Variants in ADGB observed in about 807,000 individuals in gnomAD.
The protein encoded by ADGB is androglobin, also known as calpain-7-like protein.
A neutral mutation model predicts 210.5 loss-of-function variants in ADGB; 172 were observed. That is an observed-to-expected ratio of 0.82 (90% CI 0.72 to 0.93). The LOEUF is 0.93. Ranked by LOEUF, ADGB falls within the 40% of genes least tolerant of loss-of-function variation. ADGB has a pLI of 0.00. For missense variants in ADGB, 2,025 were observed against 1,964.8 expected (o/e 1.03, Z -0.58); for synonymous variants, 658 against 662.7 (o/e 0.99, Z 0.11).
chr6:146,746,391 C>T (rs1777238263), intron 26 of ADGB, among the ~76,000 whole-genome samples: 1 of 152,166 alleles, frequency 6.6e-6, no homozygotes, highest in African/African-American at 2.4e-5. Context: ...TTTTCTTCTT[C>T]TTCTGCTCCA....
chr6:146,728,231 T>C (rs1295143271), intron 19 of ADGB, among the ~76,000 whole-genome samples: 1 of 152,206 alleles, frequency 6.6e-6, no homozygotes, highest in African/African-American at 2.4e-5. Flanking sequence ...GCTTTCTCCC[T>C]GAAATCTCTG....
At chr6:146,636,273 G>A (rs958538742) in intron 2 of ADGB, among the ~76,000 whole-genome samples, 1 of 151,866 alleles carries the variant, frequency 6.6e-6, no homozygotes, top group Non-Finnish European at 1.5e-5. Flanking sequence ...GTGCCAGAAG[G>A]GTTTAGTTGA....
intron 33 of ADGB, among the ~76,000 whole-genome samples, chr6:146,797,537 G>A (rs563018337): frequency 1.1e-3 from 164 of 151,656 alleles, no homozygotes; most frequent in African/African-American, 3.8e-3. Context: ...ACACACACAC[G>A]TATACATATA....
At chr6:146,675,733 T>C (rs1776075035) in intron 8 of ADGB, among the ~76,000 whole-genome samples, 1 of 152,158 alleles carries the variant, frequency 6.6e-6, no homozygotes, top group Non-Finnish European at 1.5e-5. Context: ...GAATATGTTT[T>C]GTGGATTGAG....
At chr6:146,794,828 G>A (rs562188244) in intron 33 of ADGB, among the ~76,000 whole-genome samples, 3 of 152,290 alleles carry the variant, frequency 2.0e-5, no homozygotes, top group African/African-American at 4.8e-5. Flanking sequence ...AGAGACTACA[G>A]AGGGTCCATC....
At chr6:146,767,218 TATG>T (rs1201299593) in intron 28 of ADGB, among the ~76,000 whole-genome samples, 1 of 152,178 alleles carries the variant, frequency 6.6e-6, no homozygotes, top group Non-Finnish European at 1.5e-5. Flanking sequence ...ACTGAACTAT[TATG>T]ATAATGGAAA....
chr6:146,811,829 G>A (rs9386168), intron 35 of ADGB, among the ~76,000 whole-genome samples: 48,645 of 151,622 alleles, frequency 0.32, 8,482 homozygotes, highest in East Asian at 0.67. Context: ...GTGCCACCAC[G>A]CCTGGCTAAT....
intron 1 of ADGB, among the ~76,000 whole-genome samples, chr6:146,600,520 C>G (rs368780787): frequency 1.3e-5 from 2 of 152,172 alleles, no homozygotes; most frequent in Admixed American, 6.5e-5. Flanking sequence ...CTCTCCCTTC[C>G]TTCAGGAGTT....
intron 3 of ADGB, among the ~76,000 whole-genome samples, chr6:146,649,412 A>G (rs1421730781): frequency 1.3e-5 from 2 of 152,120 alleles, no homozygotes; most frequent in East Asian, 3.8e-4. Context: ...ATAACTAGCA[A>G]AGGCAAACAA....
chr6:146,687,051 A>G (rs948201905), intron 10 of ADGB, among the ~76,000 whole-genome samples: 2 of 152,098 alleles, frequency 1.3e-5, no homozygotes, highest in African/African-American at 4.8e-5. Context: ...TTAGATAAAA[A>G]TAATTCCTTC....
At chr6:146,786,004 C>A (rs114667381) in intron 32 of ADGB, among the ~76,000 whole-genome samples, 2 of 151,648 alleles carry the variant, frequency 1.3e-5, no homozygotes, top group African/African-American at 2.4e-5. Context: ...AAGAATGATG[C>A]AACCTAGTTA....
chr6:146,761,920 T>C (rs910557546), intron 27 of ADGB, among the ~76,000 whole-genome samples: 4 of 152,232 alleles, frequency 2.6e-5, no homozygotes, highest in African/African-American at 2.4e-5. Context: ...TGGTATTCCT[T>C]GTCTTGAGAC....
At chr6:146,794,315 G>C (rs1778004714) in intron 33 of ADGB, among the ~76,000 whole-genome samples, 2 of 152,114 alleles carry the variant, frequency 1.3e-5, no homozygotes, top group African/African-American at 2.4e-5. Context: ...CATACTCCTA[G>C]AGTACTTGCC....
chr6:146,719,338 A>G (rs1329048049), intron 16 of ADGB, among the ~76,000 whole-genome samples: 2 of 152,170 alleles, frequency 1.3e-5, no homozygotes. Context: ...CTTTATTCTG[A>G]TCTTATTCTT....
chr6:146,605,688 A>G (rs1780621516), intron 1 of ADGB, among the ~76,000 whole-genome samples: 1 of 152,106 alleles, frequency 6.6e-6, no homozygotes, highest in Non-Finnish European at 1.5e-5. Flanking sequence ...CCGGGACAAC[A>G]CTTGGCACAG....
intron 11 of ADGB, among the ~76,000 whole-genome samples, 184 bp from the exon 12 acceptor site, chr6:146,692,641 G>T (rs73788796): frequency 1.3e-5 from 2 of 152,100 alleles, no homozygotes; most frequent in Non-Finnish European, 2.9e-5. Flanking sequence ...ATTGAATACC[G>T]TAAAGATCTA....
chr6:146,733,384 C>A, intron 21 of ADGB, 129 bp downstream of exon 21: 2 of 953,640 alleles, frequency 2.1e-6, no homozygotes, highest in Non-Finnish European at 2.9e-6. Context: ...AAGCAGTGCT[C>A]TAAGAGCTCA....
intron 28 of ADGB, among the ~76,000 whole-genome samples, chr6:146,764,453 A>G (rs1393234172): frequency 2.0e-5 from 3 of 152,148 alleles, no homozygotes; most frequent in Non-Finnish European, 4.4e-5. Context: ...TATTAATAAA[A>G]CTTAATTTGT....
intron 4 of ADGB, among the ~76,000 whole-genome samples, chr6:146,654,699 T>C (rs938453252): frequency 6.6e-6 from 1 of 152,124 alleles, no homozygotes; most frequent in African/African-American, 2.4e-5. Context: ...TTGATATACA[T>C]TGTTAAATAT....
Sources: gnomAD v4.1 joint callset for allele counts (sites outside exome capture counted in the v4.1 genomes callset) on GRCh38, gnomAD v4.1.1 for gene constraint, MANE v1.5 for transcripts, NCBI Gene and HGNC (gene_info 2026-07-23, HGNC 2026-07-21) for gene names.